LRRC28: variants seen among roughly 807,000 people sequenced by gnomAD.
The protein encoded by LRRC28 is leucine rich repeat containing 28.
A neutral mutation model predicts 45.7 loss-of-function variants in LRRC28; 39 were observed. The ratio of observed to expected loss-of-function variants is 0.85; its 90% CI spans 0.66 to 1.12. LRRC28 has a LOEUF of 1.12. Ranked by LOEUF, LRRC28 falls within the 50% of genes most tolerant of loss-of-function variation. LRRC28 has a pLI of 0.00. For missense variants in LRRC28, 435 were observed against 438.5 expected, an observed-to-expected ratio of 0.99 and a Z score of 0.07; for synonymous variants, 206 against 178.8, an observed-to-expected ratio of 1.15 and a Z score of -1.22.
At chr15:99,340,660 A>T (rs1956476043) in intron 6 of LRRC28, among the ~76,000 whole-genome samples, 1 of 152,216 alleles carries the variant, frequency 6.6e-6, no homozygotes, top group East Asian at 1.9e-4. Flanking sequence ...GCCTTAAGTA[A>T]ATTTCAGTAA....
intron 6 of LRRC28, 67 bp downstream of exon 6, chr15:99,334,196 G>A: frequency 6.5e-7 from 1 of 1,548,008 alleles, no homozygotes; most frequent in Non-Finnish European, 8.9e-7. Context: ...TCTTTGACTA[G>A]AACCAATTAG....
intron 6 of LRRC28, among the ~76,000 whole-genome samples, chr15:99,340,830 T>C (rs1311740014): frequency 6.6e-6 from 1 of 152,128 alleles, no homozygotes; most frequent in African/African-American, 2.4e-5. Flanking sequence ...CTCTATCTAA[T>C]GAAAACAGAG....
At position 99,350,510 on chromosome 15, in the gene LRRC28, G is replaced by A. The variant is rs551815261; in HGVS notation, c.593-1859G>A. 4.6e-5 allele frequency among the ~76,000 whole-genome samples: 7 copies of A among 152,330 alleles called. No individual in the cohort carries two copies. The East Asian group carries it at 1.4e-3, about 29-fold the overall frequency. ...TTCAACCAGCCTCTCTAATAGCAGT[G>A]ATCGTATTGTATTACAGTTACTGTT... is the stretch of plus-strand genomic sequence containing the variant. On this transcript the variant is annotated intron_variant, in intron 6 of 9. Transcript: ENST00000301981.
In LRRC28 at chr15:99,302,391, G is replaced by T. The variant is rs1955014409; in HGVS notation, c.385+14440G>T. On this transcript the variant is annotated intron_variant, in intron 5 of 9. Coordinates refer to ENST00000301981, the MANE Select transcript of LRRC28 (RefSeq NM_144598.5). ...GGTGTGTGTTTTTGTTTTTGTTTTT[G>T]TTTTTTTTGAGATGGGCAATAAGTT... Among the ~76,000 whole-genome samples, 3 of 149,544 alleles carry T rather than the reference G, an allele frequency of 2.0e-5. No individual in the cohort carries two copies. The South Asian group carries it at 6.4e-4, about 32-fold the overall frequency.
chr15:99,328,825 C>CA (rs1956067877), intron 5 of LRRC28, among the ~76,000 whole-genome samples: 1 of 151,370 alleles, frequency 6.6e-6, no homozygotes, highest in Non-Finnish European at 1.5e-5. Flanking sequence ...GGATTTACAC[C>CA]AGCAGCCCGC....
chr15:99,331,795 C>A (rs143267950), intron 5 of LRRC28: 1 of 152,290 alleles, frequency 6.6e-6, no homozygotes, highest in Non-Finnish European at 1.5e-5. Context: ...AGTTTTTCAC[C>A]TCCATGCTTT....
At chr15:99,254,540 A>G (rs1245842968) in intron 1 of LRRC28, among the ~76,000 whole-genome samples, 1 of 150,938 alleles carries the variant, frequency 6.6e-6, no homozygotes, top group Non-Finnish European at 1.5e-5. Context: ...AAACAGTCAA[A>G]TCTTTAAGCA....
intron 1 of LRRC28, 32 bp from the exon 2 acceptor site, chr15:99,255,866 A>C: frequency 2.1e-6 from 3 of 1,396,936 alleles, no homozygotes; most frequent in Non-Finnish European, 2.9e-6. Flanking sequence ...AAAAAATCTT[A>C]CAATGAATAA....
intron 7 of LRRC28, among the ~76,000 whole-genome samples, chr15:99,358,675 A>G (rs1957113934): frequency 6.6e-6 from 1 of 152,186 alleles, no homozygotes; most frequent in Non-Finnish European, 1.5e-5. Flanking sequence ...ATTCAGAGGT[A>G]AATGATAGTG....
intron 3 of LRRC28, among the ~76,000 whole-genome samples, chr15:99,279,125 A>G (rs774866181): frequency 8.5e-5 from 13 of 152,130 alleles, no homozygotes; most frequent in Non-Finnish European, 1.6e-4. Context: ...GTTTTTCTGG[A>G]TGTTTTATAT....
chr15:99,380,907 C>T (rs1198465809), intron 9 of LRRC28, among the ~76,000 whole-genome samples: 5 of 152,174 alleles, frequency 3.3e-5, no homozygotes, highest in East Asian at 1.9e-4. Flanking sequence ...ATCCGCTGTT[C>T]GTCTGATGGG....
chr15:99,386,063 C>T lies in LRRC28; in HGVS notation c.1065C>T (p.Cys355=). The T allele has an allele frequency of 6.2e-7, 1 of 1,614,190 alleles. No homozygotes were observed. The highest frequency in any genetic ancestry group is 1.3e-5 in the African/African-American group (1 of 75,054). The part of the protein sequence containing the change: ...KTTVSFVAYC[C]STQCLQTFDL... ...CTGTTAGTTTTGTGGCTTACTGCTG[C>T]TCCACCCAGTGTCTGCAGACTTTTG... Residue 355 remains cysteine, a synonymous_variant, in exon 10 of 10, where the codon TGC becomes TGT. Coordinates refer to ENST00000301981, the MANE Select transcript of LRRC28 (RefSeq NM_144598.5).
chr15:99,344,350 T>TC (rs1285752244), intron 6 of LRRC28, among the ~76,000 whole-genome samples: 2 of 152,182 alleles, frequency 1.3e-5, no homozygotes, highest in Non-Finnish European at 1.5e-5. Flanking sequence ...CAGTTCTGAC[T>TC]CCATCACCCA....
intron 5 of LRRC28, among the ~76,000 whole-genome samples, chr15:99,323,209 AC>A (rs1477213970): frequency 2.0e-5 from 3 of 152,150 alleles, no homozygotes; most frequent in African/African-American, 7.2e-5. Flanking sequence ...AGCATGATTC[AC>A]CCCACGTGTA....
chr15:99,384,367 C>T (rs955603954), intron 9 of LRRC28: 2 of 152,194 alleles, frequency 1.3e-5, no homozygotes, highest in Non-Finnish European at 2.9e-5. Flanking sequence ...CTCAAGTTCC[C>T]ACTCTTTCTC....
chr15:99,327,043 T>G (rs375085953), intron 5 of LRRC28, among the ~76,000 whole-genome samples: 1 of 152,162 alleles, frequency 6.6e-6, no homozygotes, highest in Non-Finnish European at 1.5e-5. Flanking sequence ...ATGGGAGGAT[T>G]TAAAGATTTA....
chr15:99,273,637 A>G (rs1271277929), intron 2 of LRRC28, among the ~76,000 whole-genome samples: 1 of 152,208 alleles, frequency 6.6e-6, no homozygotes, highest in Non-Finnish European at 1.5e-5. Flanking sequence ...CTTGTTAATA[A>G]AGACATAGAG....
intron 5 of LRRC28, among the ~76,000 whole-genome samples, chr15:99,288,881 T>C (rs960144702): frequency 2.6e-5 from 4 of 151,910 alleles, no homozygotes; most frequent in African/African-American, 7.3e-5. Flanking sequence ...GGTTTTGCCA[T>C]GTTGGCTAGG....
chr15:99,388,503 A>G lies in LRRC28; in HGVS notation c.*2401A>G, dbSNP rs1174072442. On this transcript the variant is annotated 3_prime_UTR_variant, in exon 10 of 10. Coordinates refer to ENST00000301981, the MANE Select transcript of LRRC28 (RefSeq NM_144598.5). Reference sequence around the variant, plus strand: ...TCCTTGGGTACAGCACCTGAACTTAATTGATGAGAAGTGGAACTTAAGTGG... The same window carrying G: ...TCCTTGGGTACAGCACCTGAACTTAGTTGATGAGAAGTGGAACTTAAGTGG... 2 of 152,218 alleles carry G rather than the reference A, an allele frequency of 1.3e-5. No individual in the cohort carries two copies. The highest frequency in any genetic ancestry group is 2.9e-5 in the Non-Finnish European group (2 of 68,040). The allele number at this position is 152,218 out of a possible 1,614,324, so 9.4% of individuals were successfully genotyped here.
Sources: gnomAD v4.1 joint callset for allele counts (sites outside exome capture counted in the v4.1 genomes callset) on GRCh38, gnomAD v4.1.1 for gene constraint, MANE v1.5 for transcripts, NCBI Gene and HGNC (gene_info 2026-07-23, HGNC 2026-07-21) for gene names.